Variants in DCT observed in about 807,000 individuals in gnomAD.
DCT encodes the protein dopachrome tautomerase, also known as L-dopachrome tautomerase.
A neutral mutation model predicts 53.0 loss-of-function variants in DCT; 47 were observed. The ratio of observed to expected loss-of-function variants is 0.89; its 90% CI spans 0.70 to 1.13. The LOEUF is 1.13. Among genes scored for constraint, DCT ranks in the 50% most tolerant of loss-of-function variants. The pLI is 0.00. For synonymous variants in DCT, 244 were observed against 237.0 expected (o/e 1.03, Z -0.27); for missense variants, 669 against 637.4 (o/e 1.05, Z -0.53).
intron 6 of DCT, among the ~76,000 whole-genome samples, chr13:94,449,714 A>G (rs1468579033): frequency 1.3e-5 from 2 of 152,226 alleles, no homozygotes; most frequent in African/African-American, 2.4e-5. Context: ...CCTAAAAAAT[A>G]TATTTCATCA....
upstream of DCT, among the ~76,000 whole-genome samples, chr13:94,480,969 T>C (rs1885415604): frequency 6.6e-6 from 1 of 152,240 alleles, no homozygotes; most frequent in Non-Finnish European, 1.5e-5. Flanking sequence ...AATGAAGGTG[T>C]TGGCAGGACT....
the DCT span, among the ~76,000 whole-genome samples, chr13:94,517,152 A>C: frequency 1.4e-4 from 21 of 152,130 alleles, no homozygotes; most frequent in Non-Finnish European, 4.4e-5. Context: ...GTTGGAAATG[A>C]TTTTCTAACA....
intron 6 of DCT, among the ~76,000 whole-genome samples, chr13:94,450,664 C>G (rs1413366811): frequency 6.6e-6 from 1 of 152,142 alleles, no homozygotes; most frequent in African/African-American, 2.4e-5. Flanking sequence ...AAACTCTGAA[C>G]AGATGCAGAG....
chr13:94,469,085 A>T, intron 1 of DCT, 40 bp from the exon 2 acceptor site: 1 of 1,535,960 alleles, frequency 6.5e-7, no homozygotes, highest in Admixed American at 1.7e-5. Context: ...AAGGGGGTTT[A>T]TGTCGTTTGG....
At chr13:94,463,216 A>T (rs1883934172) in intron 4 of DCT, among the ~76,000 whole-genome samples, 2 of 151,924 alleles carry the variant, frequency 1.3e-5, no homozygotes, top group African/African-American at 4.8e-5. Context: ...AGCTGACTGC[A>T]GCCTTGAACT....
the DCT span, among the ~76,000 whole-genome samples, chr13:94,506,607 G>A: frequency 6.6e-6 from 1 of 152,108 alleles, no homozygotes; most frequent in Non-Finnish European, 1.5e-5. Context: ...AAAGAATGAT[G>A]CAAATAGAAA....
rs184415431 is a variant in DCT at position 94,472,676 on chromosome 13, G to A, written c.296-3631C>T. On this transcript the variant is annotated intron_variant, in intron 1 of 7. Coordinates refer to ENST00000377028, the MANE Select transcript of DCT (RefSeq NM_001922.5). ...AGCTCCCTGCAACAACCACCTCCCC[G>A]GTTCAAGCGATTCTCCTGCCTCAGC... Among the ~76,000 whole-genome samples the A allele has an allele frequency of 2.3e-3, 317 of 137,416 alleles. 5 individuals are homozygous for A. The East Asian group carries it at 0.054, about 23-fold the overall frequency. The allele number at this position is 137,416 out of a possible 152,430, so 90.2% of individuals were successfully genotyped here. A position where few individuals can be genotyped will look rare whatever the true frequency, so the allele number is the denominator to read the frequency against.
the DCT span, among the ~76,000 whole-genome samples, chr13:94,488,861 C>CAT: frequency 1.1e-4 from 8 of 74,574 alleles, no homozygotes; most frequent in Non-Finnish European, 2.7e-4. Flanking sequence ...TGTACACATA[C>CAT]ATACACACAC....
the DCT span, among the ~76,000 whole-genome samples, chr13:94,538,184 A>G: frequency 6.6e-6 from 1 of 152,232 alleles, no homozygotes; most frequent in Non-Finnish European, 1.5e-5. Flanking sequence ...TCCTGAAAGA[A>G]GGGTGGAGCT....
At chr13:94,442,277 G>C (rs1434935486) in intron 7 of DCT, among the ~76,000 whole-genome samples, 1 of 152,042 alleles carries the variant, frequency 6.6e-6, no homozygotes, top group Non-Finnish European at 1.5e-5. Context: ...TCACCTTCTT[G>C]ATTAAGATTT....
At chr13:94,527,229 T>G in the DCT span, among the ~76,000 whole-genome samples, 2 of 152,130 alleles carry the variant, frequency 1.3e-5, no homozygotes, top group Non-Finnish European at 1.5e-5. Flanking sequence ...CAGCGAACAG[T>G]TTCTGCAGAC....
chr13:94,504,558 G>A, the DCT span, among the ~76,000 whole-genome samples: 5 of 152,120 alleles, frequency 3.3e-5, no homozygotes, highest in East Asian at 5.8e-4. Context: ...TAGTAGAGAT[G>A]GGGTTTCATC....
At chr13:94,511,779 G>A in the DCT span, among the ~76,000 whole-genome samples, 6 of 151,642 alleles carry the variant, frequency 4.0e-5, no homozygotes, top group Non-Finnish European at 7.4e-5. Flanking sequence ...TCATACCATA[G>A]GTGTGTTGTC....
In DCT at chr13:94,462,066, C is replaced by A. The variant is rs1011900553; in HGVS notation, c.987G>T (p.Leu329=). The change falls in exon 5 of 8, where the codon CTG becomes CTT. Residue 329 remains leucine (L), a synonymous_variant. Transcript: ENST00000377028. The stretch of plus-strand genomic sequence containing the variant: ...GAGGATTGTCAAACTTCTGGAGAGA[C>A]AGGCAATCTCGTATGTCTTTTAAGG... ...LPTLKDIRDC[L]SLQKFDNPPF... 6.2e-7 allele frequency: 1 copy of A among 1,613,260 alleles called. No individual in the cohort carries two copies. Among genetic ancestry groups the A allele is most frequent in the Non-Finnish European group, 8.5e-7 (1 of 1,179,806 alleles).
At chr13:94,501,514 T>C in the DCT span, among the ~76,000 whole-genome samples, 40 of 152,150 alleles carry the variant, frequency 2.6e-4, no homozygotes, top group African/African-American at 8.9e-4. Flanking sequence ...CTTGAACAAA[T>C]GTTTATTAAG....
the DCT span, among the ~76,000 whole-genome samples, chr13:94,508,117 AATT>A: frequency 6.6e-6 from 1 of 152,230 alleles, no homozygotes; most frequent in African/African-American, 2.4e-5. Flanking sequence ...GATAACTAGT[AATT>A]ATTATGTATT....
chr13:94,527,169 C>T, the DCT span, among the ~76,000 whole-genome samples: 1 of 152,242 alleles, frequency 6.6e-6, no homozygotes, highest in Non-Finnish European at 1.5e-5. Context: ...GCAAGGCCTA[C>T]TGCCTCTATG....
chr13:94,531,602 C>A, the DCT span, among the ~76,000 whole-genome samples: 1 of 152,078 alleles, frequency 6.6e-6, no homozygotes, highest in Admixed American at 6.6e-5. Flanking sequence ...AGAAAGCTGA[C>A]ACTGGATCCC....
the DCT span, among the ~76,000 whole-genome samples, chr13:94,484,756 G>A: frequency 2.0e-5 from 3 of 152,100 alleles, no homozygotes; most frequent in Non-Finnish European, 4.4e-5. Flanking sequence ...TCAGATTGAG[G>A]CCCATCCTGA....
Sources: allele counts gnomAD v4.1 joint callset (sites outside exome capture counted in the v4.1 genomes callset), GRCh38; gene constraint gnomAD v4.1.1; transcripts MANE v1.5; gene names NCBI Gene and HGNC (gene_info 2026-07-23, HGNC 2026-07-21).